NAT16: variants seen among roughly 807,000 people sequenced by gnomAD.
The protein encoded by NAT16 is probable N-acetyltransferase 16.
A neutral mutation model predicts 15.9 loss-of-function variants in NAT16; 16 were observed. The observed-to-expected ratio is 1.01, with a 90% CI of 0.68 to 1.53. NAT16 has a LOEUF of 1.53. Ranked by LOEUF, NAT16 falls within the 40% of genes most tolerant of loss-of-function variation. The pLI, the probability that NAT16 is intolerant of heterozygous loss-of-function variation, is 0.00. For missense variants in NAT16, 572 were observed against 508.4 expected, an observed-to-expected ratio of 1.13 and a Z score of -1.20; for synonymous variants, 260 against 241.9, an observed-to-expected ratio of 1.07 and a Z score of -0.69.
intron 2 of NAT16, chr7:101,174,192 C>A: frequency 2.1e-6 from 1 of 469,136 alleles, no homozygotes; most frequent in Non-Finnish European, 3.7e-6. Flanking sequence ...CCCTAGCCTA[C>A]CCTCTCTCTC....
At position 101,172,440 on chromosome 7, in the gene NAT16, C is replaced by T. The variant is rs551457672; in HGVS notation, c.749G>A (p.Arg250Gln). The change falls in exon 4 of 4, where the codon CGG (arginine) becomes CAG (glutamine). Residue 250 changes from arginine (R) to glutamine (Q), a missense_variant. Coordinates refer to ENST00000300303, the MANE Select transcript of NAT16 (RefSeq NM_198571.3). This position sits in a 1 kb window ranked among gnomAD's most constrained non-coding sequence, Gnocchi z 4.2. ...CAGGCGCAGGTTGCTTTCGCTAGGCCGGTAGGGCTGCCAGTCCTGGATGAT... is the reference window on the plus strand; with the variant it reads ...CAGGCGCAGGTTGCTTTCGCTAGGCTGGTAGGGCTGCCAGTCCTGGATGAT... ...GTIIQDWQPY[R>Q]PSESNLRLLA... 2.8e-5 allele frequency: 45 copies of T among 1,597,436 alleles called. No individual in the cohort carries two copies. Among genetic ancestry groups the T allele is most frequent in the Non-Finnish European group, 3.2e-5 (38 of 1,175,338 alleles).
chr7:101,178,935 G>A (rs1194490280), intron 1 of NAT16, among the ~76,000 whole-genome samples: 1 of 142,170 alleles, frequency 7.0e-6, no homozygotes, highest in Non-Finnish European at 1.5e-5. Context: ...CTCTCTTCAT[G>A]TCTATCCCCA....
rs1310036075 is a variant in NAT16, at chr7:101,174,591, T to G, written c.217A>C (p.Ile73Leu). 3 of 1,614,112 alleles carry G rather than the reference T, an allele frequency of 1.9e-6. No individual in the cohort carries two copies. The highest frequency in any genetic ancestry group is 2.5e-6 in the Non-Finnish European group (3 of 1,180,008). Reference protein sequence around the residue: ...FEEVLAISGGIYGGLDYLPSR... With the variant: ...FEEVLAISGGLYGGLDYLPSR... ...GGAAGGTAGTCCAGGCCGCCGTAGA[T>G]GCCCCCCGAGATGGCCAGCACTTCC... is the stretch of plus-strand genomic sequence containing the variant. The change falls in exon 2 of 4, where the codon ATC (isoleucine) becomes CTC (leucine). Residue 73 changes from isoleucine to leucine, a missense_variant. Transcript: ENST00000300303.
At chr7:101,176,978 C>T (rs1197047770) in intron 1 of NAT16, among the ~76,000 whole-genome samples, 1 of 152,110 alleles carries the variant, frequency 6.6e-6, no homozygotes, top group Non-Finnish European at 1.5e-5. Context: ...GTGGTTTGCA[C>T]TTCCAAGCCA....
rs551457672 is a variant in NAT16, at chr7:101,172,440, C to G, written c.749G>C (p.Arg250Pro). Reference protein sequence around the residue: ...GTIIQDWQPYRPSESNLRLLA... With the variant: ...GTIIQDWQPYPPSESNLRLLA... Reference sequence around the variant, plus strand: ...CAGGCGCAGGTTGCTTTCGCTAGGCCGGTAGGGCTGCCAGTCCTGGATGAT... The same window carrying G: ...CAGGCGCAGGTTGCTTTCGCTAGGCGGGTAGGGCTGCCAGTCCTGGATGAT... Residue 250 changes from arginine (R) to proline (P), a missense_variant, in exon 4 of 4, where the codon CGG (arginine) becomes CCG (proline). By Grantham distance (103) the Arg-to-Pro change is moderately radical (BLOSUM62 -2). Coordinates refer to ENST00000300303, the MANE Select transcript of NAT16 (RefSeq NM_198571.3). The surrounding 1 kb of genome is among the most constrained non-coding windows in gnomAD (Gnocchi z 4.2). 9 of 1,597,554 alleles carry G rather than the reference C, an allele frequency of 5.6e-6. No homozygotes were observed. In the East Asian group the frequency reaches 9.0e-5, roughly 16 times the overall value.
At chr7:101,175,216 A>C (rs1797439734) in intron 1 of NAT16, among the ~76,000 whole-genome samples, 1 of 151,868 alleles carries the variant, frequency 6.6e-6, no homozygotes, top group South Asian at 2.1e-4. Context: ...CAGCTTCCCA[A>C]AGTGCTGGGA....
chr7:101,172,475 T>C lies in NAT16; in HGVS notation c.714A>G (p.Pro238=), dbSNP rs770438237. ...GCCAGTCCTGGATGATGGTCCCGCCTGGAAGCACGTCGCGCTGCACGGAGG... is the reference window on the plus strand; with the variant it reads ...GCCAGTCCTGGATGATGGTCCCGCCCGGAAGCACGTCGCGCTGCACGGAGG... ...LSPSVQRDVL[P]GGTIIQDWQP... The change falls in exon 4 of 4, where the codon CCA becomes CCG. Residue 238 remains proline (P), a synonymous_variant. Transcript: ENST00000300303. The surrounding 1 kb of genome is among the most constrained non-coding windows in gnomAD (Gnocchi z 4.2). The C allele has an allele frequency of 1.2e-5, 19 of 1,599,704 alleles. No homozygotes were observed. Among genetic ancestry groups the C allele is most frequent in the Non-Finnish European group, 1.5e-5 (18 of 1,177,330 alleles).
rs930612363 is a variant in NAT16 at position 101,172,656 on chromosome 7, G to A, written c.538-5C>T. The stretch of plus-strand genomic sequence containing the variant: ...GAATCGGACCAAAAGGATGCCCTGC[G>A]GGGGGCACGAGTGAGCGCGGGGAGG... On this transcript the variant is annotated splice_polypyrimidine_tract_variant and splice_region_variant and intron_variant, in intron 3 of 3. Transcript: ENST00000300303. This position sits in a 1 kb window ranked among gnomAD's most constrained non-coding sequence, Gnocchi z 4.2. The A allele has an allele frequency of 1.3e-6, 2 of 1,499,882 alleles. No individual in the cohort carries two copies. The highest frequency in any genetic ancestry group is 1.5e-5 in the African/African-American group (1 of 68,692). 92.9% of individuals were successfully genotyped at this position (1,499,882 alleles called of 1,614,324 possible).
chr7:101,173,918 CAG>C (rs991399344), intron 2 of NAT16: 1 of 222,286 alleles, frequency 4.5e-6, no homozygotes, highest in Non-Finnish European at 8.7e-6. Flanking sequence ...TTTTTGGAGA[CAG>C]GGGTCTCGCA....
At chr7:101,174,954 A>G (rs929427995) in intron 1 of NAT16, 143 bp from the exon 2 acceptor site, 23 of 1,087,888 alleles carry the variant, frequency 2.1e-5, no homozygotes, top group Non-Finnish European at 2.3e-5. Context: ...TTATTTACTT[A>G]TTTATTTATT....
In NAT16 at chr7:101,171,839, C is replaced by T. The variant is rs1797328827; in HGVS notation, c.*240G>A. 3.9e-6 allele frequency: 2 copies of T among 509,944 alleles called. No homozygotes were observed. Among genetic ancestry groups the T allele is most frequent in the South Asian group, 5.5e-5 (2 of 36,524 alleles). The allele number at this position is 509,944 out of a possible 1,614,324, so 31.6% of individuals were successfully genotyped here. ...AGCTCAAGGCCCCCACCCCCAGCCC[C>T]CACCTAATAGTCCGCAAGTTCAGGT... is the stretch of plus-strand genomic sequence containing the variant. On this transcript the variant is annotated 3_prime_UTR_variant, in exon 4 of 4. Transcript: ENST00000300303.
At chr7:101,173,754 G>A (rs1230463136) in intron 2 of NAT16, 2 of 531,390 alleles carry the variant, frequency 3.8e-6, no homozygotes, top group African/African-American at 2.0e-5. Flanking sequence ...TTTAGGACAG[G>A]GTCTCCTCAC....
Position 101,171,393 on chromosome 7 carries a change from CT to C in NAT16, c.*685del, listed in dbSNP as rs1002269211. 1 of 152,476 alleles carries C rather than the reference CT, an allele frequency of 6.6e-6. No individual in the cohort carries two copies. Among genetic ancestry groups the C allele is most frequent in the African/African-American group, 2.4e-5 (1 of 41,462 alleles). The allele number at this position is 152,476 out of a possible 1,614,324, so 9.4% of individuals were successfully genotyped here. A position where few individuals can be genotyped will look rare whatever the true frequency, so the allele number is the denominator to read the frequency against. ...ACTCTCTCTCTCTCTGGATTGCACACTGGGCTGGTGATGGGAAGGAAAACAG... is the reference window on the plus strand; with the variant it reads ...ACTCTCTCTCTCTCTGGATTGCACACGGGCTGGTGATGGGAAGGAAAACAG... On this transcript the variant is annotated 3_prime_UTR_variant, in exon 4 of 4. Transcript: ENST00000300303.
chr7:101,176,517 A>AT (rs1446853373), intron 1 of NAT16, among the ~76,000 whole-genome samples: 1 of 143,230 alleles, frequency 7.0e-6, no homozygotes, highest in Non-Finnish European at 1.5e-5. Context: ...AAAAAAAAAA[A>AT]AGAAGAAGAA....
In NAT16 at chr7:101,178,710, T is replaced by TAAA. The variant is rs386410830; in HGVS notation, c.-5+1329_-5+1331dup. Among the ~76,000 whole-genome samples the TAAA allele has an allele frequency of 5.4e-3, 396 of 72,766 alleles. 22 individuals carry two copies. The highest frequency in any genetic ancestry group is 0.011 in the Middle Eastern group (1 of 92). The allele number at this position is 72,766 out of a possible 152,430, so 47.7% of individuals were successfully genotyped here. A position where few individuals can be genotyped will look rare whatever the true frequency, so the allele number is the denominator to read the frequency against. ...CAACATGGAGAAACCCTCTCTCTAC[T>TAAA]AAAAAAAAAAAAAAAAAAAAAAAAT... On this transcript the variant is annotated intron_variant, in intron 1 of 3. Transcript: ENST00000300303.
Position 101,172,159 on chromosome 7 carries a change from C to A in NAT16, c.1030G>T (p.Ala344Ser), listed in dbSNP as rs1207577774. Residue 344 changes from alanine (A) to serine (S), a missense_variant, in exon 4 of 4, where the codon GCT becomes TCT. Ala to Ser is a moderately conservative substitution (Grantham distance 99, BLOSUM62 1). Coordinates refer to ENST00000300303, the MANE Select transcript of NAT16 (RefSeq NM_198571.3). This position sits in a 1 kb window ranked among gnomAD's most constrained non-coding sequence, Gnocchi z 4.2. Reference protein sequence around the residue: ...FLEPQLWSQLADFCQVGLGLE... With the variant: ...FLEPQLWSQLSDFCQVGLGLE... ...CCCAGCCCGACCTGGCAGAAGTCAG[C>A]CAGCTGTGACCACAGCTGGGGCTCC... 1 of 1,613,996 alleles carries A rather than the reference C, an allele frequency of 6.2e-7. No individual in the cohort carries two copies. Among genetic ancestry groups the A allele is most frequent in the Non-Finnish European group, 8.5e-7 (1 of 1,179,996 alleles).
chr7:101,172,782 A>T lies in NAT16; in HGVS notation c.538-131T>A. ...CCACCTGGGTCCCTCTGGAGGAGCG[A>T]CCGTGAGGGCTCCGGGCCGAGTGGG... On this transcript the variant is annotated intron_variant, in intron 3 of 3. Transcript: ENST00000300303. The surrounding 1 kb of genome is among the most constrained non-coding windows in gnomAD (Gnocchi z 4.2). 1 of 725,824 alleles carries T rather than the reference A, an allele frequency of 1.4e-6. No homozygotes were observed. The allele number at this position is 725,824 out of a possible 1,614,324, so 45.0% of individuals were successfully genotyped here. A position where few individuals can be genotyped will look rare whatever the true frequency, so the allele number is the denominator to read the frequency against.
rs778279872 is a variant in NAT16 at position 101,172,200 on chromosome 7, A to G, written c.989T>C (p.Met330Thr). 9.3e-6 allele frequency: 15 copies of G among 1,613,802 alleles called. No homozygotes were observed. The highest frequency in any genetic ancestry group is 1.6e-4 in the Middle Eastern group (1 of 6,082). The change falls in exon 4 of 4, where the codon ATG becomes ACG. Residue 330 changes from methionine to threonine, a missense_variant. Met to Thr is a moderately conservative substitution (Grantham distance 81). Transcript: ENST00000300303. This position sits in a 1 kb window ranked among gnomAD's most constrained non-coding sequence, Gnocchi z 4.2. ...CTGGGGCTCCAGGAAGAGCTGGCACATGACGTTGAGGCCAACGAGGCGCGG... is the reference window on the plus strand; with the variant it reads ...CTGGGGCTCCAGGAAGAGCTGGCACGTGACGTTGAGGCCAACGAGGCGCGG... ...QAPRLVGLNV[M>T]CQLFLEPQLW...
rs552197575 is a variant in NAT16 at position 101,177,996 on chromosome 7, G to T, written c.-5+2046C>A. Among the ~76,000 whole-genome samples the T allele has an allele frequency of 5.3e-5, 8 of 152,306 alleles. No individual in the cohort carries two copies. In the East Asian group the frequency reaches 1.5e-3, roughly 29 times the overall value. On this transcript the variant is annotated intron_variant, in intron 1 of 3. Transcript: ENST00000300303. ...GGGTCCCAGGAAAATGCAAGCTAGT[G>T]GTTCAGTGGTGCTTCCAGCAATACC...
Sources: gnomAD v4.1 joint callset for allele counts (sites outside exome capture counted in the v4.1 genomes callset) on GRCh38, gnomAD v4.1.1 for gene constraint, Gnocchi (gnomAD v3.1) non-coding constraint, MANE v1.5 for transcripts, NCBI Gene and HGNC (gene_info 2026-07-23, HGNC 2026-07-21) for gene names.